CADPS2: variants seen among roughly 807,000 people sequenced by gnomAD.
CADPS2 encodes the protein calcium-dependent secretion activator 2.
CADPS2 carries 93 observed loss-of-function variants against 172.5 expected under a neutral mutation model. The ratio of observed to expected loss-of-function variants is 0.54; its 90% CI spans 0.46 to 0.64. The LOEUF is 0.64. CADPS2 is among the 30% of genes least tolerant of loss of function. CADPS2 has a pLI of 0.00. For synonymous variants in CADPS2, 546 were observed against 555.2 expected (o/e 0.98, Z 0.23); for missense variants, 1,420 against 1,565.9 (o/e 0.91, Z 1.57).
At chr7:122,467,076 C>T (rs1028413703) in intron 14 of CADPS2, among the ~76,000 whole-genome samples, 1 of 152,110 alleles carries the variant, frequency 6.6e-6, no homozygotes, top group Non-Finnish European at 1.5e-5. Flanking sequence ...AAAAAAACTC[C>T]TCCAGTAATA....
At chr7:122,641,609 T>C (rs1177976747) in intron 3 of CADPS2, among the ~76,000 whole-genome samples, 1 of 152,200 alleles carries the variant, frequency 6.6e-6, no homozygotes, top group African/African-American at 2.4e-5. Flanking sequence ...AAAGGCCATA[T>C]GACTTTTGAT....
At chr7:122,336,661 T>G (rs932019632) in intron 28 of CADPS2, among the ~76,000 whole-genome samples, 6 of 152,214 alleles carry the variant, frequency 3.9e-5, no homozygotes, top group African/African-American at 1.4e-4. Context: ...TTGAGTGACT[T>G]AAGCCTTTGT....
chr7:122,697,905 A>G (rs2085370485), intron 2 of CADPS2: 1 of 1,613,902 alleles, frequency 6.2e-7, no homozygotes, highest in Non-Finnish European at 8.5e-7. Context: ...GAGAAACTTC[A>G]TTATTTGTCT....
At chr7:122,699,611 G>T (rs1409938497) in intron 2 of CADPS2, among the ~76,000 whole-genome samples, 1 of 152,122 alleles carries the variant, frequency 6.6e-6, no homozygotes, top group Non-Finnish European at 1.5e-5. Context: ...TGAGAAGTTT[G>T]TGGCTTTTGT....
chr7:122,551,388 G>C (rs2064267795), intron 8 of CADPS2, among the ~76,000 whole-genome samples: 2 of 151,942 alleles, frequency 1.3e-5, no homozygotes, highest in African/African-American at 2.4e-5. Flanking sequence ...GGGAGGCATT[G>C]AGAATTCAAA....
intron 8 of CADPS2, among the ~76,000 whole-genome samples, chr7:122,537,874 A>T (rs149602118): frequency 6.6e-6 from 1 of 151,820 alleles, no homozygotes; most frequent in Non-Finnish European, 1.5e-5. Context: ...AAATAATTTT[A>T]AAAAAGGATA....
chr7:122,599,914 T>C (rs1179845894), intron 6 of CADPS2, among the ~76,000 whole-genome samples: 1 of 152,056 alleles, frequency 6.6e-6, no homozygotes, highest in Non-Finnish European at 1.5e-5. Flanking sequence ...CCTATCTAAT[T>C]AAAGGCAGTG....
At chr7:122,585,286 CT>C (rs2069482261) in intron 6 of CADPS2, among the ~76,000 whole-genome samples, 2 of 151,692 alleles carry the variant, frequency 1.3e-5, no homozygotes, top group African/African-American at 4.8e-5. Flanking sequence ...AAATAAGAAA[CT>C]TTCTTATAAA....
At chr7:122,675,687 G>C (rs868503872) in intron 2 of CADPS2, among the ~76,000 whole-genome samples, 8 of 152,158 alleles carry the variant, frequency 5.3e-5, no homozygotes, top group Non-Finnish European at 1.2e-4. Flanking sequence ...GACGAAGCTG[G>C]AAGCCATCAT....
At chr7:122,469,831 G>T (rs1174483320) in intron 14 of CADPS2, among the ~76,000 whole-genome samples, 1 of 146,340 alleles carries the variant, frequency 6.8e-6, no homozygotes, top group Non-Finnish European at 1.5e-5. Flanking sequence ...GTCTGTGTGT[G>T]TGTGTGTGTG....
chr7:122,518,594 G>C (rs2060548471), intron 8 of CADPS2, among the ~76,000 whole-genome samples: 1 of 152,096 alleles, frequency 6.6e-6, no homozygotes, highest in Non-Finnish European at 1.5e-5. Flanking sequence ...AGGTGTACTA[G>C]AGATTTGCTA....
At chr7:122,376,882 T>G (rs547414434) in intron 25 of CADPS2, among the ~76,000 whole-genome samples, 1 of 152,264 alleles carries the variant, frequency 6.6e-6, no homozygotes, top group East Asian at 1.9e-4. Flanking sequence ...TTCTGTCTGT[T>G]AATATCTCAA....
chr7:122,656,024 C>A (rs2079730424), intron 3 of CADPS2, among the ~76,000 whole-genome samples: 1 of 152,150 alleles, frequency 6.6e-6, no homozygotes, highest in South Asian at 2.1e-4. Flanking sequence ...TAACCAAAAT[C>A]TAGAAAGATG....
chr7:122,742,893 A>G (rs1721863422), intron 1 of CADPS2, among the ~76,000 whole-genome samples: 2 of 152,208 alleles, frequency 1.3e-5, no homozygotes, highest in Admixed American at 1.3e-4. Context: ...AATATTCATC[A>G]GTTCAGGATT....
intron 4 of CADPS2, 95 bp downstream of exon 4, chr7:122,629,153 C>CT (rs796823921): frequency 6.2e-3 from 4,855 of 777,056 alleles, no homozygotes; most frequent in South Asian, 8.3e-3. Flanking sequence ...TATGCTGGCT[C>CT]TTTTTTTTTT....
chr7:122,877,657 T>G (rs1460199110), intron 1 of CADPS2, among the ~76,000 whole-genome samples: 1 of 152,084 alleles, frequency 6.6e-6, no homozygotes, highest in Non-Finnish European at 1.5e-5. Context: ...ATGCAAGAGA[T>G]CTATATGATG....
At chr7:122,863,639 T>G (rs1817533229) in intron 1 of CADPS2, among the ~76,000 whole-genome samples, 1 of 152,178 alleles carries the variant, frequency 6.6e-6, no homozygotes, top group South Asian at 2.1e-4. Flanking sequence ...ATGAATGAAA[T>G]GGTAATCAAC....
rs144626840 is a variant in CADPS2, at chr7:122,759,870, A to C, written c.340-22802T>G. Among the ~76,000 whole-genome samples the C allele has an allele frequency of 6.4e-3, 974 of 152,234 alleles. 11 individuals are homozygous for C. Among genetic ancestry groups the C allele is most frequent in the African/African-American group, 0.022 (931 of 41,546 alleles). On this transcript the variant is annotated intron_variant, in intron 1 of 29. Transcript: ENST00000449022. ...CTAGCAAAGGAAGAAGCAAAATCTA[A>C]ATAGGATTATTCCTAAGTGAGCGTA...
intron 15 of CADPS2, among the ~76,000 whole-genome samples, chr7:122,450,766 C>T (rs1007381361): frequency 2.0e-5 from 3 of 151,898 alleles, no homozygotes; most frequent in East Asian, 1.9e-4. Context: ...AACTCCTGGT[C>T]TCAAGTGATC....
Sources: gnomAD v4.1 joint callset for allele counts (sites outside exome capture counted in the v4.1 genomes callset) on GRCh38, gnomAD v4.1.1 for gene constraint, MANE v1.5 for transcripts, NCBI Gene and HGNC (gene_info 2026-07-23, HGNC 2026-07-21) for gene names.